SLC16A12: variants seen among roughly 807,000 people sequenced by gnomAD.
SLC16A12 encodes solute carrier family 16 member 12.
A neutral mutation model predicts 42.4 loss-of-function variants in SLC16A12; 17 were observed. That is an observed-to-expected ratio of 0.40 (90% CI 0.27 to 0.60). SLC16A12 has a LOEUF of 0.60. Among genes scored for constraint, SLC16A12 ranks in the 20% least tolerant of loss-of-function variants. The pLI is 0.42. For missense variants in SLC16A12, 544 were observed against 623.0 expected (o/e 0.87, Z 1.35); for synonymous variants, 224 against 229.4 (o/e 0.98, Z 0.21).
Position 89,436,319 on chromosome 10 carries a change from C to A in SLC16A12, c.1029G>T (p.Arg343Ser). ...AAACATACTGGTAATTCTTCAGACA[C>A]CTGTAGATTTGAAGAACAAGAATAA... ...NITFGWLTDRRCLKNYQYVCY... is the reference protein window; with the variant it reads ...NITFGWLTDRSCLKNYQYVCY... Residue 343 changes from arginine (R) to serine (S), a missense_variant and splice_region_variant, in exon 7 of 8, where the codon AGG becomes AGT. Coordinates refer to ENST00000371790, the MANE Select transcript of SLC16A12 (RefSeq NM_213606.4). 1 of 1,614,004 alleles carries A rather than the reference C, an allele frequency of 6.2e-7. No homozygotes were observed. Among genetic ancestry groups the A allele is most frequent in the Non-Finnish European group, 8.5e-7 (1 of 1,179,930 alleles).
chr10:89,513,096 A>G (rs998603537), intron 2 of SLC16A12, among the ~76,000 whole-genome samples: 3 of 152,220 alleles, frequency 2.0e-5, no homozygotes, highest in African/African-American at 4.8e-5. Flanking sequence ...TTTCCTATTG[A>G]GTACTTAATG....
intron 3 of SLC16A12, among the ~76,000 whole-genome samples, chr10:89,455,887 A>G (rs904824479): frequency 2.6e-5 from 4 of 152,220 alleles, no homozygotes; most frequent in African/African-American, 7.2e-5. Context: ...CTGCAGTAGC[A>G]AACAACTCCT....
intron 2 of SLC16A12, among the ~76,000 whole-genome samples, chr10:89,466,761 G>T (rs1017422580): frequency 6.6e-6 from 1 of 151,874 alleles, no homozygotes; most frequent in Non-Finnish European, 1.5e-5. Context: ...ATCCCTGATA[G>T]AGTACCCTGA....
chr10:89,528,044 A>G (rs544285443), intron 2 of SLC16A12, among the ~76,000 whole-genome samples: 1 of 152,210 alleles, frequency 6.6e-6, no homozygotes, highest in East Asian at 1.9e-4. Context: ...TCTTTCTTAT[A>G]TAAAAGTCTG....
intron 3 of SLC16A12, among the ~76,000 whole-genome samples, chr10:89,446,257 CAA>C (rs1842000188): frequency 2.0e-5 from 3 of 151,982 alleles, no homozygotes; most frequent in Admixed American, 6.6e-5. Context: ...ATACAGAGAA[CAA>C]CACAAAGATA....
At chr10:89,509,296 A>G (rs2133835338) in intron 2 of SLC16A12, among the ~76,000 whole-genome samples, 1 of 152,344 alleles carries the variant, frequency 6.6e-6, no homozygotes, top group South Asian at 2.1e-4. Context: ...ACAAAAAAAT[A>G]GAATTTTAGA....
intron 2 of SLC16A12, among the ~76,000 whole-genome samples, chr10:89,487,525 G>A (rs1589699512): frequency 1.3e-5 from 2 of 151,980 alleles, no homozygotes; most frequent in South Asian, 2.1e-4. Flanking sequence ...TGTTGGCCAA[G>A]TATGGTGGCT....
intron 3 of SLC16A12, among the ~76,000 whole-genome samples, chr10:89,449,868 C>T (rs11203130): frequency 0.13 from 19,499 of 152,098 alleles, 1,374 homozygotes; most frequent in South Asian, 0.31. Flanking sequence ...ATCTGACAAA[C>T]GGCTAATATC....
upstream of SLC16A12, among the ~76,000 whole-genome samples, chr10:89,536,299 G>C (rs1843661297): frequency 6.6e-6 from 1 of 152,148 alleles, no homozygotes; most frequent in Admixed American, 6.5e-5. Context: ...TCACAGCACA[G>C]GAAACTGAAG....
At chr10:89,508,682 GCAAA>G (rs962916542) in intron 2 of SLC16A12, among the ~76,000 whole-genome samples, 2 of 152,000 alleles carry the variant, frequency 1.3e-5, no homozygotes, top group Non-Finnish European at 2.9e-5. Flanking sequence ...AGAAGCAAGA[GCAAA>G]CAAATTCAAA....
At chr10:89,513,259 T>C (rs2133842039) in intron 2 of SLC16A12, among the ~76,000 whole-genome samples, 1 of 152,358 alleles carries the variant, frequency 6.6e-6, no homozygotes, top group Admixed American at 6.5e-5. Context: ...TGTTAATAAA[T>C]GTACTCTGTC....
chr10:89,460,279 AAGACTCATAATATAGATGAGTCTTAC>A (rs553128270), intron 3 of SLC16A12, among the ~76,000 whole-genome samples: 4 of 152,230 alleles, frequency 2.6e-5, no homozygotes, highest in African/African-American at 7.2e-5. Flanking sequence ...CCCAGAACAC[AAGACTCATAATATAGATGAGTCTTAC>A]AGACTCATAT....
exon 1 of SLC16A12, chr10:89,556,608 C>T (rs1843817378): frequency 6.6e-6 from 1 of 152,208 alleles, no homozygotes; most frequent in South Asian, 2.1e-4. Flanking sequence ...TCTGACCTAC[C>T]TTGTCTGATC....
chr10:89,455,620 C>A (rs544771170), intron 3 of SLC16A12, among the ~76,000 whole-genome samples: 1 of 152,252 alleles, frequency 6.6e-6, no homozygotes, highest in African/African-American at 2.4e-5. Flanking sequence ...ATGTATGCCT[C>A]TGAACACAGG....
intron 2 of SLC16A12, among the ~76,000 whole-genome samples, chr10:89,522,043 A>T (rs1843366333): frequency 6.6e-6 from 1 of 152,168 alleles, no homozygotes; most frequent in Admixed American, 6.5e-5. Flanking sequence ...GGCCCAGTCA[A>T]CATCTATCCA....
rs1460794943 is a variant in SLC16A12 at position 89,438,961 on chromosome 10, A to G, written c.671T>C (p.Met224Thr). The stretch of plus-strand genomic sequence containing the variant: ...GTCCTCTTTAAGAGTAATTGGCCTC[A>G]TCAAGGCACCACATACACAGAGATT... Reference protein sequence around the residue: ...VLNLCVCGALMRPITLKEDHT... With the variant: ...VLNLCVCGALTRPITLKEDHT... The change falls in exon 6 of 8, where the codon ATG (methionine) becomes ACG (threonine). Residue 224 changes from methionine (M) to threonine (T), a missense_variant. Coordinates refer to ENST00000371790, the MANE Select transcript of SLC16A12 (RefSeq NM_213606.4). 1 of 1,614,182 alleles carries G rather than the reference A, an allele frequency of 6.2e-7. No homozygotes were observed. Among genetic ancestry groups the G allele is most frequent in the South Asian group, 1.1e-5 (1 of 91,090 alleles).
chr10:89,443,987 T>C, intron 3 of SLC16A12, 128 bp from the exon 4 acceptor site: 1 of 701,414 alleles, frequency 1.4e-6, no homozygotes, highest in Non-Finnish European at 2.6e-6. Context: ...CCATAATAAG[T>C]GGGAAATCAG....
At position 89,529,956 on chromosome 10, in the gene SLC16A12, C is replaced by T. The variant is rs557727759; in HGVS notation, c.-47+4545G>A. Among the ~76,000 whole-genome samples, 3 of 152,238 alleles carry T rather than the reference C, an allele frequency of 2.0e-5. No individual in the cohort carries two copies. The East Asian group carries it at 5.8e-4, about 29-fold the overall frequency. ...ATTTTCAAAATATACAGGGTACCCT[C>T]AGAAATGGAAACATTAGAAGCTCTC... On this transcript the variant is annotated intron_variant, in intron 2 of 7. Coordinates refer to ENST00000371790, the MANE Select transcript of SLC16A12 (RefSeq NM_213606.4).
intron 2 of SLC16A12, among the ~76,000 whole-genome samples, chr10:89,520,491 C>A (rs1045157066): frequency 1.3e-5 from 2 of 152,104 alleles, no homozygotes; most frequent in Admixed American, 1.3e-4. Context: ...ACTCAATAAG[C>A]ATTTGTAAAT....
Sources: allele counts gnomAD v4.1 joint callset (sites outside exome capture counted in the v4.1 genomes callset), GRCh38; gene constraint gnomAD v4.1.1; transcripts MANE v1.5; gene names NCBI Gene and HGNC (gene_info 2026-07-23, HGNC 2026-07-21).